PPP1R36: variants seen among roughly 807,000 people sequenced by gnomAD.
PPP1R36 encodes the protein protein phosphatase 1 regulatory subunit 36, also known as chromosome 14 open reading frame 50.
In PPP1R36, 47 loss-of-function variants were observed where a neutral mutation model predicts 53.4. The observed-to-expected ratio is 0.88, with a 90% CI of 0.70 to 1.12. The LOEUF (loss-of-function observed/expected upper bound fraction) is 1.12, where lower values mean the gene tolerates loss of function less well. Among genes scored for constraint, PPP1R36 ranks in the 50% most tolerant of loss-of-function variants. PPP1R36 has a pLI of 0.00. For synonymous variants in PPP1R36, 153 were observed against 170.5 expected (o/e 0.90, Z 0.80); for missense variants, 456 against 513.9 (o/e 0.89, Z 1.09).
At position 64,589,167 on chromosome 14, in the gene PPP1R36, G is replaced by A. The variant is rs112069366; in HGVS notation, c.1098G>A (p.Gly366=). ...CTTTTCACAGAGTTGGCATCTTGGG[G>A]GAGCCTCGATGTCTATTCAACCCAC... ...SVPMPVVGIL[G]EPRCLFNPHT... The change falls in exon 12 of 12, where the codon GGG becomes GGA. Residue 366 remains glycine, a synonymous_variant. Transcript: ENST00000298705. 29 of 1,611,244 alleles carry A rather than the reference G, an allele frequency of 1.8e-5. No individual in the cohort carries two copies. The highest frequency in any genetic ancestry group is 2.3e-5 in the Non-Finnish European group (27 of 1,179,236).
chr14:64,561,787 G>A (rs1382837085), intron 3 of PPP1R36: 2 of 455,962 alleles, frequency 4.4e-6, no homozygotes, highest in East Asian at 7.0e-5. Flanking sequence ...CTTGCTTCAA[G>A]TGCCCCTATT....
chr14:64,581,003 C>T (rs1369255766), intron 8 of PPP1R36, among the ~76,000 whole-genome samples: 1 of 152,120 alleles, frequency 6.6e-6, no homozygotes, highest in Non-Finnish European at 1.5e-5. Context: ...TATTTATTTG[C>T]AGGTTGGCAA....
At chr14:64,557,912 G>A (rs1244169188) in intron 3 of PPP1R36, among the ~76,000 whole-genome samples, 1 of 152,228 alleles carries the variant, frequency 6.6e-6, no homozygotes, top group Non-Finnish European at 1.5e-5. Context: ...AGGAGGCTGA[G>A]GCAGGAGAAT....
chr14:64,555,510 A>G (rs1313065429), intron 3 of PPP1R36, among the ~76,000 whole-genome samples: 1 of 152,192 alleles, frequency 6.6e-6, no homozygotes, highest in African/African-American at 2.4e-5. Context: ...GTTTATGTAA[A>G]ATTAAATGAA....
At chr14:64,551,984 T>C (rs1270204066) in intron 2 of PPP1R36, among the ~76,000 whole-genome samples, 1 of 152,182 alleles carries the variant, frequency 6.6e-6, no homozygotes, top group African/African-American at 2.4e-5. Flanking sequence ...TAGCGAGAGT[T>C]AGAATTAACT....
At chr14:64,584,963 C>T (rs1360968331) in intron 8 of PPP1R36, among the ~76,000 whole-genome samples, 1 of 152,182 alleles carries the variant, frequency 6.6e-6, no homozygotes, top group Non-Finnish European at 1.5e-5. Flanking sequence ...TGAAGACTTG[C>T]ACATGAAGAA....
chr14:64,561,613 A>G (rs1017889962), intron 3 of PPP1R36, among the ~76,000 whole-genome samples: 6 of 152,226 alleles, frequency 3.9e-5, no homozygotes, highest in Non-Finnish European at 7.3e-5. Flanking sequence ...AAATGAAATA[A>G]TAATGCCTCG....
chr14:64,576,271 G>C (rs938174688), intron 8 of PPP1R36, among the ~76,000 whole-genome samples: 1 of 151,314 alleles, frequency 6.6e-6, no homozygotes, highest in African/African-American at 2.4e-5. Flanking sequence ...AGTAGAGATG[G>C]GGTTTCACCA....
intron 7 of PPP1R36, among the ~76,000 whole-genome samples, chr14:64,571,178 T>G (rs2080300584): frequency 6.6e-6 from 1 of 152,162 alleles, no homozygotes. Context: ...CAAGCTGGAG[T>G]GCAGTGGCAC....
At chr14:64,552,683 T>TA (rs2080105175) in intron 2 of PPP1R36, 131 bp from the exon 3 acceptor site, 2 of 666,958 alleles carry the variant, frequency 3.0e-6, no homozygotes, top group Non-Finnish European at 5.2e-6. Flanking sequence ...TCATGATAAT[T>TA]AAACAAATAA....
chr14:64,574,558 G>A lies in PPP1R36; in HGVS notation c.637G>A (p.Val213Met), dbSNP rs751571174. Residue 213 changes from valine (V) to methionine (M), a missense_variant, in exon 8 of 12, where the codon GTG becomes ATG. By Grantham distance (21) the Val-to-Met change is conservative (BLOSUM62 1). Coordinates refer to ENST00000298705, the MANE Select transcript of PPP1R36 (RefSeq NM_172365.3). ...KYCILVLGLA[V>M]PDKHHMCCGK... is the part of the protein sequence containing the mutation. ...CTGTATCCTTGTGCTGGGCTTGGCC[G>A]TGCCGGATAAGCATCACATGTGCTG... The A allele has an allele frequency of 1.4e-5, 23 of 1,613,774 alleles. 1 individual carries two copies. The South Asian group carries it at 1.9e-4, about 13-fold the overall frequency.
At chr14:64,569,155 C>T (rs901812994) in intron 7 of PPP1R36, among the ~76,000 whole-genome samples, 9 of 152,118 alleles carry the variant, frequency 5.9e-5, no homozygotes, top group Non-Finnish European at 7.3e-5. Context: ...GCAGAAGTGG[C>T]GCAGAGGTGT....
chr14:64,586,438 A>C (rs962940046), intron 8 of PPP1R36: 1 of 157,496 alleles, frequency 6.3e-6, no homozygotes, highest in African/African-American at 2.4e-5. Flanking sequence ...TTTTGTACCC[A>C]ATAGCCATAA....
intron 3 of PPP1R36, among the ~76,000 whole-genome samples, chr14:64,554,470 A>ATAGTTCAAACCTATCTGTTACAGATAGT (rs1219363186): frequency 2.4e-4 from 37 of 152,230 alleles, no homozygotes; most frequent in African/African-American, 7.5e-4. Context: ...ATTTTAACAG[A>ATAGTTCAAACCTATCTGTTACAGATAGT]TAGTTCAAAC....
chr14:64,563,261 T>A (rs1369372245), intron 3 of PPP1R36, among the ~76,000 whole-genome samples: 3 of 152,140 alleles, frequency 2.0e-5, no homozygotes, highest in Non-Finnish European at 4.4e-5. Context: ...AGTCTCCACT[T>A]TCTGGGCTCA....
chr14:64,573,147 C>T (rs1353208875), intron 7 of PPP1R36, among the ~76,000 whole-genome samples: 1 of 152,102 alleles, frequency 6.6e-6, no homozygotes, highest in African/African-American at 2.4e-5. Context: ...ACTCACTTTT[C>T]AATAACAGTA....
chr14:64,564,820 T>C lies in PPP1R36; in HGVS notation c.252T>C (p.Asp84=). ...AAGCAGTTCACTTTGCAGAAACTGA[T>C]GGTCCAGCTTCAGACAGGTAGATTA... ...KGKAVHFAET[D]GPASDRLTDK... Residue 84 remains aspartate (D), a synonymous_variant, in exon 4 of 12, where the codon GAT becomes GAC. Transcript: ENST00000298705. 6.2e-7 allele frequency: 1 copy of C among 1,606,732 alleles called. No homozygotes were observed. Among genetic ancestry groups the C allele is most frequent in the Non-Finnish European group, 8.5e-7 (1 of 1,176,938 alleles).
chr14:64,578,553 A>G (rs1369039307), intron 8 of PPP1R36, among the ~76,000 whole-genome samples: 2 of 152,250 alleles, frequency 1.3e-5, no homozygotes, highest in Admixed American at 6.5e-5. Flanking sequence ...AAAAACCACA[A>G]TGAGATACTA....
At chr14:64,559,500 C>T (rs1596727183) in intron 3 of PPP1R36, 1 of 152,240 alleles carries the variant, frequency 6.6e-6, no homozygotes, top group Non-Finnish European at 1.5e-5. Context: ...GAAGGCTTCC[C>T]AAGGAAGGTG....
Sources: allele counts gnomAD v4.1 joint callset (sites outside exome capture counted in the v4.1 genomes callset), GRCh38; gene constraint gnomAD v4.1.1; transcripts MANE v1.5; gene names NCBI Gene and HGNC (gene_info 2026-07-23, HGNC 2026-07-21).